Variants in PRDM1 observed in about 807,000 individuals in gnomAD.
PRDM1 encodes the protein PR domain zinc finger protein 1.
PRDM1 carries 13 observed loss-of-function variants against 62.8 expected under a neutral mutation model. That is an observed-to-expected ratio of 0.21 (90% CI 0.13 to 0.33). The LOEUF (loss-of-function observed/expected upper bound fraction) is 0.33. Ranked by LOEUF, PRDM1 falls within the 10% of genes least tolerant of loss-of-function variation. The pLI is 1.00. For synonymous variants in PRDM1, 396 were observed against 417.6 expected (o/e 0.95, Z 0.63); for missense variants, 895 against 1,058.8 (o/e 0.85, Z 2.15).
intron 1 of PRDM1, among the ~76,000 whole-genome samples, chr6:106,055,790 G>T (rs1773256939): frequency 6.6e-6 from 1 of 152,144 alleles, no homozygotes; most frequent in African/African-American, 2.4e-5. Flanking sequence ...AGAGTCATGG[G>T]TACAGCTCTG....
At chr6:106,053,013 A>G (rs1773204603) in intron 1 of PRDM1, among the ~76,000 whole-genome samples, 1 of 152,168 alleles carries the variant, frequency 6.6e-6, no homozygotes, top group African/African-American at 2.4e-5. Context: ...TAAAACCTAA[A>G]AAAACCCTCA....
Position 106,091,641 on chromosome 6 carries a change from G to C in PRDM1, c.291+3192G>C, listed in dbSNP as rs1376537704. On this transcript the variant is annotated intron_variant, in intron 2 of 6. Transcript: ENST00000369096. ...CTAAAAATACAAAAATTAGCCGGGC[G>C]TGGTGGTGGGCGCCTGTAATCCCAG... is the stretch of plus-strand genomic sequence containing the variant. 2.0e-5 allele frequency among the ~76,000 whole-genome samples: 3 copies of C among 152,238 alleles called. No homozygotes were observed. The East Asian group carries it at 5.8e-4, about 29-fold the overall frequency.
intron 1 of PRDM1, among the ~76,000 whole-genome samples, chr6:106,004,349 A>G (rs561634319): frequency 6.6e-6 from 1 of 152,324 alleles, no homozygotes; most frequent in South Asian, 2.1e-4. Context: ...ATTGAAACAG[A>G]TTGTTAATCT....
intron 3 of PRDM1, among the ~76,000 whole-genome samples, chr6:106,096,751 A>G (rs1473382858): frequency 2.6e-5 from 4 of 152,206 alleles, no homozygotes; most frequent in Non-Finnish European, 5.9e-5. Context: ...CTTGAATAAA[A>G]CACTGGATTA....
intron 1 of PRDM1, among the ~76,000 whole-genome samples, chr6:106,008,179 T>C (rs1772504736): frequency 6.6e-6 from 1 of 152,132 alleles, no homozygotes; most frequent in South Asian, 2.1e-4. Flanking sequence ...GAGACCATCC[T>C]GGCCAATGTG....
chr6:106,079,405 A>G (rs920316039), intron 1 of PRDM1, among the ~76,000 whole-genome samples: 1 of 152,240 alleles, frequency 6.6e-6, no homozygotes. Flanking sequence ...ATCTATCCCA[A>G]CCCCACCCAA....
chr6:106,107,677 C>CAT lies in PRDM1; in HGVS notation c.*212_*213dup, dbSNP rs60217130. The stretch of plus-strand genomic sequence containing the variant: ...CTCAGGGCATGAACAAGGCAAAGGC[C>CAT]ATATATATATATATATATATATCTG... On this transcript the variant is annotated 3_prime_UTR_variant, in exon 7 of 7. Transcript: ENST00000369096. The CAT allele has an allele frequency of 0.26, 50,752 of 198,210 alleles. 5,338 individuals are homozygous for CAT. Among genetic ancestry groups the CAT allele is most frequent in the African/African-American group, 0.28 (11,650 of 40,972 alleles). The allele number at this position is 198,210 out of a possible 1,614,324, so 12.3% of individuals were successfully genotyped here. A position where few individuals can be genotyped will look rare whatever the true frequency, so the allele number is the denominator to read the frequency against.
At position 106,107,835 on chromosome 6, in the gene PRDM1, A is replaced by T; in HGVS notation, c.*349A>T. 4.3e-6 allele frequency: 1 copy of T among 232,190 alleles called. No individual in the cohort carries two copies. Among genetic ancestry groups the T allele is most frequent in the Non-Finnish European group, 8.5e-6 (1 of 117,296 alleles). 14.4% of individuals were successfully genotyped at this position (232,190 alleles called of 1,614,324 possible). On this transcript the variant is annotated 3_prime_UTR_variant, in exon 7 of 7. Transcript: ENST00000369096. The stretch of plus-strand genomic sequence containing the variant: ...TTACCTAGTCATAATTATTTTTTCA[A>T]TGATAATCCTTCATAATTTATTATA...
intron 1 of PRDM1, among the ~76,000 whole-genome samples, chr6:106,071,165 G>A (rs548458198): frequency 6.6e-6 from 1 of 152,166 alleles, no homozygotes; most frequent in Non-Finnish European, 1.5e-5. Context: ...CCAGCTACTT[G>A]TGGGGGCTGA....
chr6:106,078,755 C>T (rs565102149), intron 1 of PRDM1, among the ~76,000 whole-genome samples: 2 of 152,012 alleles, frequency 1.3e-5, no homozygotes, highest in African/African-American at 2.4e-5. Context: ...TGCCTCTAGT[C>T]CTAGCTACTC....
intron 1 of PRDM1, among the ~76,000 whole-genome samples, chr6:106,031,772 A>G (rs1772847102): frequency 6.6e-6 from 1 of 152,222 alleles, no homozygotes; most frequent in Non-Finnish European, 1.5e-5. Flanking sequence ...ACCACACTAC[A>G]CAACTTTGAA....
rs1450199158 is a variant in PRDM1, at chr6:106,109,265, T to C, written c.*1779T>C. 4.3e-6 allele frequency: 1 copy of C among 232,470 alleles called. No individual in the cohort carries two copies. Among genetic ancestry groups the C allele is most frequent in the East Asian group, 6.1e-5 (1 of 16,522 alleles). 14.4% of individuals were successfully genotyped at this position (232,470 alleles called of 1,614,324 possible). A position where few individuals can be genotyped will look rare whatever the true frequency, so the allele number is the denominator to read the frequency against. ...CCAGGGAGGAAGAGATACATCATTT[T>C]TTAGTATTAAGGACCATCTAAGACA... On this transcript the variant is annotated 3_prime_UTR_variant, in exon 7 of 7. Coordinates refer to ENST00000369096, the MANE Select transcript of PRDM1 (RefSeq NM_001198.4).
At chr6:106,032,454 T>C (rs1418022340) in intron 1 of PRDM1, among the ~76,000 whole-genome samples, 1 of 152,148 alleles carries the variant, frequency 6.6e-6, no homozygotes, top group African/African-American at 2.4e-5. Flanking sequence ...TCTTTTTTTG[T>C]TGGAGACAAG....
At chr6:106,040,970 G>A (rs1772986211) in intron 1 of PRDM1, among the ~76,000 whole-genome samples, 2 of 152,174 alleles carry the variant, frequency 1.3e-5, no homozygotes, top group African/African-American at 2.4e-5. Flanking sequence ...AACCATTCCT[G>A]CTAATGGGCC....
intron 1 of PRDM1, among the ~76,000 whole-genome samples, chr6:106,039,844 A>G (rs1772969122): frequency 6.6e-6 from 1 of 152,250 alleles, no homozygotes; most frequent in South Asian, 2.1e-4. Context: ...TTAATCAGTT[A>G]GCTAGTCCAT....
upstream of PRDM1, among the ~76,000 whole-genome samples, chr6:106,048,256 G>A (rs1345086484): frequency 6.6e-6 from 1 of 151,648 alleles, no homozygotes; most frequent in Non-Finnish European, 1.5e-5. Context: ...ACATGGTGGT[G>A]CATACTCATA....
intron 3 of PRDM1, chr6:106,098,548 A>C: frequency 7.8e-7 from 1 of 1,279,986 alleles, no homozygotes; most frequent in Non-Finnish European, 1.0e-6. Flanking sequence ...CTCCCAGATA[A>C]GGGGTTCCCT....
intron 1 of PRDM1, among the ~76,000 whole-genome samples, chr6:106,023,705 C>T (rs769042627): frequency 6.6e-6 from 1 of 152,246 alleles, no homozygotes; most frequent in Middle Eastern, 3.4e-3. Context: ...GGATACTGTT[C>T]GCATGCAATT....
At chr6:106,085,157 G>T (rs1467228244), upstream of PRDM1, among the ~76,000 whole-genome samples, 1 of 152,128 alleles carries the variant, frequency 6.6e-6, no homozygotes, top group African/African-American at 2.4e-5. Flanking sequence ...GTATGACTAA[G>T]TTGGTATCAT....
Sources: allele counts gnomAD v4.1 joint callset (sites outside exome capture counted in the v4.1 genomes callset), GRCh38; gene constraint gnomAD v4.1.1; transcripts MANE v1.5; gene names NCBI Gene and HGNC (gene_info 2026-07-23, HGNC 2026-07-21).